The following NPTX1 variants were observed in gnomAD, a reference collection of about 807,000 sequenced individuals.
NPTX1 encodes neuronal pentraxin-1.
In NPTX1, 12 loss-of-function variants were observed where a neutral mutation model predicts 38.7. The observed-to-expected ratio is 0.31, with a 90% CI of 0.20 to 0.50. NPTX1 has a LOEUF of 0.50. Ranked by LOEUF, NPTX1 falls within the 20% of genes least tolerant of loss-of-function variation. NPTX1 has a pLI of 0.98. For synonymous variants in NPTX1, 272 were observed against 264.9 expected (o/e 1.03, Z -0.26); for missense variants, 454 against 592.2 (o/e 0.77, Z 2.42).
In NPTX1 at chr17:80,476,407, C is replaced by T. The variant is rs1452346340; in HGVS notation, c.40G>A (p.Ala14Thr). 1 of 1,505,120 alleles carries T rather than the reference C, an allele frequency of 6.6e-7. No individual in the cohort carries two copies. The highest frequency in any genetic ancestry group is 1.2e-5 in the South Asian group (1 of 81,252). The allele number at this position is 1,505,120 out of a possible 1,614,324, so 93.2% of individuals were successfully genotyped here. The change falls in exon 1 of 5, where the codon GCC (alanine) becomes ACC (threonine). Residue 14 changes from alanine to threonine, a missense_variant. Around this residue, in one of 4 missense-constraint regions of NPTX1, gnomAD observed 288 missense variants for 318.4 expected, o/e 0.90. Transcript: ENST00000306773. The surrounding 1 kb of genome is among the most constrained non-coding windows in gnomAD (Gnocchi z 6.3). ...GRAARTCALL[A>T]LCLLGAGAQD... ...GCCCCGGCGCCCAGGAGGCAGAGGG[C>T]GAGCAGCGCACAGGTGCGCGCGGCG...
chr17:80,475,925 C>A lies in NPTX1; in HGVS notation c.444+78G>T. On this transcript the variant is annotated intron_variant, in intron 1 of 4. Coordinates refer to ENST00000306773, the MANE Select transcript of NPTX1 (RefSeq NM_002522.4). This position sits in a 1 kb window ranked among gnomAD's most constrained non-coding sequence, Gnocchi z 6.5. ...GAGGCGAGGGCGGGGGATGCCTGGC[C>A]GGGTAGGGAACGGGGTGGGGGAGGG... 6 of 1,149,854 alleles carry A rather than the reference C, an allele frequency of 5.2e-6. No individual in the cohort carries two copies. The highest frequency in any genetic ancestry group is 7.2e-6 in the Non-Finnish European group (6 of 837,296). The allele number at this position is 1,149,854 out of a possible 1,614,324, so 71.2% of individuals were successfully genotyped here. A position where few individuals can be genotyped will look rare whatever the true frequency, so the allele number is the denominator to read the frequency against.
rs931331870 is a variant in NPTX1, at chr17:80,469,779, C to T, written c.*1034G>A. 3 of 152,306 alleles carry T rather than the reference C, an allele frequency of 2.0e-5. No homozygotes were observed. Among genetic ancestry groups the T allele is most frequent in the Non-Finnish European group, 4.4e-5 (3 of 68,074 alleles). The allele number at this position is 152,306 out of a possible 1,614,324, so 9.4% of individuals were successfully genotyped here. The stretch of plus-strand genomic sequence containing the variant: ...TGGCCCCATGTGGCCAGGTCTTCAT[C>T]GAAACACGGCTTCTTTCCTTAAAAG... On this transcript the variant is annotated 3_prime_UTR_variant, in exon 5 of 5. Coordinates refer to ENST00000306773, the MANE Select transcript of NPTX1 (RefSeq NM_002522.4).
At position 80,468,556 on chromosome 17, in the gene NPTX1, A is replaced by G. The variant is rs2083819249; in HGVS notation, c.*2257T>C. 6.6e-6 allele frequency: 1 copy of G among 152,204 alleles called. No homozygotes were observed. The highest frequency in any genetic ancestry group is 2.4e-5 in the African/African-American group (1 of 41,426). 9.4% of individuals were successfully genotyped at this position (152,204 alleles called of 1,614,324 possible). A position where few individuals can be genotyped will look rare whatever the true frequency, so the allele number is the denominator to read the frequency against. ...ATGGCTGGAGTGAGGGTGGGGCTAG[A>G]TCTGGTCTAGAGAGGCGACTCCAAG... On this transcript the variant is annotated 3_prime_UTR_variant, in exon 5 of 5. Transcript: ENST00000306773.
intron 3 of NPTX1, among the ~76,000 whole-genome samples, chr17:80,472,750 A>T (rs2083849181): frequency 6.6e-6 from 1 of 152,238 alleles, no homozygotes; most frequent in Non-Finnish European, 1.5e-5. Context: ...CCAAGGGATC[A>T]CACAGACCTG....
rs755808568 is a variant in NPTX1, at chr17:80,471,064, A to C, written c.1078-30T>G. 13 of 1,532,046 alleles carry C rather than the reference A, an allele frequency of 8.5e-6. No homozygotes were observed. The East Asian group carries it at 3.0e-4, about 35-fold the overall frequency. The allele number at this position is 1,532,046 out of a possible 1,614,324, so 94.9% of individuals were successfully genotyped here. On this transcript the variant is annotated intron_variant, in intron 4 of 4. Transcript: ENST00000306773. ...AGAGAAAAACAGAGGATGAGAGTGGAGGGGTCGCCAGGTGGTCTGGGGGCC... is the reference window on the plus strand; with the variant it reads ...AGAGAAAAACAGAGGATGAGAGTGGCGGGGTCGCCAGGTGGTCTGGGGGCC...
Position 80,470,740 on chromosome 17 carries a change from G to C in NPTX1, c.*73C>G. On this transcript the variant is annotated 3_prime_UTR_variant, in exon 5 of 5. Transcript: ENST00000306773. ...TCATTCCTGGGGAAAAGGGAGAGAA[G>C]AGACGCACAAAACAGATCATCGCCG... 1 of 1,053,672 alleles carries C rather than the reference G, an allele frequency of 9.5e-7. No homozygotes were observed. The highest frequency in any genetic ancestry group is 2.4e-5 in the East Asian group (1 of 41,424). The allele number at this position is 1,053,672 out of a possible 1,614,324, so 65.3% of individuals were successfully genotyped here. A position where few individuals can be genotyped will look rare whatever the true frequency, so the allele number is the denominator to read the frequency against.
chr17:80,475,868 C>T lies in NPTX1; in HGVS notation c.444+135G>A. The T allele has an allele frequency of 2.4e-6, 2 of 846,022 alleles. No homozygotes were observed. Among genetic ancestry groups the T allele is most frequent in the Non-Finnish European group, 3.3e-6 (2 of 605,120 alleles). 52.4% of individuals were successfully genotyped at this position (846,022 alleles called of 1,614,324 possible). On this transcript the variant is annotated intron_variant, in intron 1 of 4. Coordinates refer to ENST00000306773, the MANE Select transcript of NPTX1 (RefSeq NM_002522.4). This position sits in a 1 kb window ranked among gnomAD's most constrained non-coding sequence, Gnocchi z 6.5. ...TGGCCGCCGCGGGGCCTCGCAGGCGCGGGGAGGCACCGGCCGGGCACCCGC... is the reference window on the plus strand; with the variant it reads ...TGGCCGCCGCGGGGCCTCGCAGGCGTGGGGAGGCACCGGCCGGGCACCCGC...
Position 80,475,397 on chromosome 17 carries a change from G to T in NPTX1, c.652+114C>A. The stretch of plus-strand genomic sequence containing the variant: ...GAAAGCGGTGCAGGGGTTGGGGGTA[G>T]CGGAGCGGCTTGAGGCTTGCACAGT... On this transcript the variant is annotated intron_variant, in intron 2 of 4. Transcript: ENST00000306773. The surrounding 1 kb of genome is among the most constrained non-coding windows in gnomAD (Gnocchi z 6.5). The T allele has an allele frequency of 1.3e-6, 1 of 759,936 alleles. No homozygotes were observed. Among genetic ancestry groups the T allele is most frequent in the Non-Finnish European group, 2.1e-6 (1 of 475,954 alleles). 47.1% of individuals were successfully genotyped at this position (759,936 alleles called of 1,614,324 possible).
chr17:80,468,413 G>C lies in NPTX1; in HGVS notation c.*2400C>G, dbSNP rs928124216. 1.3e-5 allele frequency: 2 copies of C among 152,334 alleles called. No homozygotes were observed. The highest frequency in any genetic ancestry group is 4.8e-5 in the African/African-American group (2 of 41,456). The allele number at this position is 152,334 out of a possible 1,614,324, so 9.4% of individuals were successfully genotyped here. A position where few individuals can be genotyped will look rare whatever the true frequency, so the allele number is the denominator to read the frequency against. ...AACGGACAGCTCCCACCTGGCCCAC[G>C]GGGGCAGAAGGTGGTCTGCGGTCCA... On this transcript the variant is annotated 3_prime_UTR_variant, in exon 5 of 5. Coordinates refer to ENST00000306773, the MANE Select transcript of NPTX1 (RefSeq NM_002522.4).
chr17:80,475,754 A>AG lies in NPTX1; in HGVS notation c.445-37dup. ...CAAGGGCGGGGGAAACCACACCGTT[A>AG]GGCGAGGCGCGGGGACCGTGCTGGA... is the stretch of plus-strand genomic sequence containing the variant. On this transcript the variant is annotated intron_variant, in intron 1 of 4. Coordinates refer to ENST00000306773, the MANE Select transcript of NPTX1 (RefSeq NM_002522.4). The surrounding 1 kb of genome is among the most constrained non-coding windows in gnomAD (Gnocchi z 6.5). The AG allele has an allele frequency of 6.6e-7, 1 of 1,513,418 alleles. No individual in the cohort carries two copies. Among genetic ancestry groups the AG allele is most frequent in the Non-Finnish European group, 9.1e-7 (1 of 1,100,506 alleles). The allele number at this position is 1,513,418 out of a possible 1,614,324, so 93.7% of individuals were successfully genotyped here.
Position 80,476,450 on chromosome 17 carries a change from T to A in NPTX1, c.-4A>T. 7.9e-7 allele frequency: 1 copy of A among 1,269,760 alleles called. No homozygotes were observed. Among genetic ancestry groups the A allele is most frequent in the South Asian group, 2.7e-5 (1 of 36,556 alleles). 78.7% of individuals were successfully genotyped at this position (1,269,760 alleles called of 1,614,324 possible). A position where few individuals can be genotyped will look rare whatever the true frequency, so the allele number is the denominator to read the frequency against. ...GCGCGGCGCGGCCGGCCGGCATGGC[T>A]GCGGGCACCGGGCGCTCCGGGCCCG... On this transcript the variant is annotated 5_prime_UTR_variant, in exon 1 of 5. Coordinates refer to ENST00000306773, the MANE Select transcript of NPTX1 (RefSeq NM_002522.4). This position sits in a 1 kb window ranked among gnomAD's most constrained non-coding sequence, Gnocchi z 6.3.
At position 80,475,188 on chromosome 17, in the gene NPTX1, T is replaced by A. The variant is rs2083871771; in HGVS notation, c.652+323A>T. Among the ~76,000 whole-genome samples, 1 of 152,116 alleles carries A rather than the reference T, an allele frequency of 6.6e-6. No homozygotes were observed. The highest frequency in any genetic ancestry group is 1.5e-5 in the Non-Finnish European group (1 of 68,020). ...GGGTTTGAGCCAGCGACAGCCACTG[T>A]GCAAAGTTACTGAGGATTAAACAAA... On this transcript the variant is annotated intron_variant, in intron 2 of 4. Coordinates refer to ENST00000306773, the MANE Select transcript of NPTX1 (RefSeq NM_002522.4). This position sits in a 1 kb window ranked among gnomAD's most constrained non-coding sequence, Gnocchi z 6.5.
At chr17:80,472,250 A>G (rs780282990) in intron 3 of NPTX1, among the ~76,000 whole-genome samples, 1 of 152,158 alleles carries the variant, frequency 6.6e-6, no homozygotes, top group Non-Finnish European at 1.5e-5. Context: ...CTGGTGTCTG[A>G]GTTCACTGCT....
chr17:80,473,089 C>T, intron 3 of NPTX1, 111 bp downstream of exon 3: 2 of 1,378,784 alleles, frequency 1.5e-6, no homozygotes, highest in Non-Finnish European at 2.0e-6. Context: ...AAACACTTTC[C>T]TTGGGGCCCC....
Position 80,470,352 on chromosome 17 carries a change from C to G in NPTX1, c.*461G>C. ...TGCGTGTACTGAGGTTGCACCAACC[C>G]CAAAGCACGCACGCAGCTAACAAAG... On this transcript the variant is annotated 3_prime_UTR_variant, in exon 5 of 5. Transcript: ENST00000306773. 1 of 154,030 alleles carries G rather than the reference C, an allele frequency of 6.5e-6. No homozygotes were observed. Among genetic ancestry groups the G allele is most frequent in the Non-Finnish European group, 1.4e-5 (1 of 69,212 alleles). 9.5% of individuals were successfully genotyped at this position (154,030 alleles called of 1,614,324 possible). A position where few individuals can be genotyped will look rare whatever the true frequency, so the allele number is the denominator to read the frequency against.
rs1168143565 is a variant in NPTX1 at position 80,467,360 on chromosome 17, A to G, written c.*3453T>C. The G allele has an allele frequency of 6.6e-6, 1 of 152,634 alleles. No individual in the cohort carries two copies. The highest frequency in any genetic ancestry group is 6.5e-5 in the Admixed American group (1 of 15,282). The allele number at this position is 152,634 out of a possible 1,614,324, so 9.5% of individuals were successfully genotyped here. On this transcript the variant is annotated 3_prime_UTR_variant, in exon 5 of 5. Coordinates refer to ENST00000306773, the MANE Select transcript of NPTX1 (RefSeq NM_002522.4). ...TTGCCATAAGATTCCAAAGGATTCTATCCTCTTAATGTGAACCACATGTAA... is the reference window on the plus strand; with the variant it reads ...TTGCCATAAGATTCCAAAGGATTCTGTCCTCTTAATGTGAACCACATGTAA...
Position 80,476,135 on chromosome 17 carries a change from C to T in NPTX1, c.312G>A (p.Ala104=). ...TLDPGAGEAR[A]GGGRKQPGSG... is the part of the protein sequence containing the mutation. ...AGCCGGGCTGCTTGCGGCCGCCGCC[C>T]GCCCGGGCCTCGCCGGCTCCGGGGT... Residue 104 remains alanine, a synonymous_variant, in exon 1 of 5, where the codon GCG becomes GCA. Transcript: ENST00000306773. The surrounding 1 kb of genome is among the most constrained non-coding windows in gnomAD (Gnocchi z 6.3). 6.3e-7 allele frequency: 1 copy of T among 1,598,282 alleles called. No homozygotes were observed. Among genetic ancestry groups the T allele is most frequent in the Admixed American group, 1.7e-5 (1 of 59,298 alleles).
At position 80,476,441 on chromosome 17, in the gene NPTX1, C is replaced by G. The variant is rs1443911918; in HGVS notation, c.6G>C (p.Pro2=). 31 of 1,315,980 alleles carry G rather than the reference C, an allele frequency of 2.4e-5. No individual in the cohort carries two copies. The highest frequency in any genetic ancestry group is 2.8e-5 in the Non-Finnish European group (29 of 1,039,212). The allele number at this position is 1,315,980 out of a possible 1,614,324, so 81.5% of individuals were successfully genotyped here. M[P]AGRAARTCAL... ...CACAGGTGCGCGCGGCGCGGCCGGC[C>G]GGCATGGCTGCGGGCACCGGGCGCT... Residue 2 remains proline (P), a synonymous_variant, in exon 1 of 5, where the codon CCG becomes CCC. Coordinates refer to ENST00000306773, the MANE Select transcript of NPTX1 (RefSeq NM_002522.4). The surrounding 1 kb of genome is among the most constrained non-coding windows in gnomAD (Gnocchi z 6.3).
In NPTX1 at chr17:80,473,534, C is replaced by G; in HGVS notation, c.653-90G>C. 1.1e-5 allele frequency: 15 copies of G among 1,343,618 alleles called. No individual in the cohort carries two copies. The South Asian group carries it at 1.9e-4, about 17-fold the overall frequency. The allele number at this position is 1,343,618 out of a possible 1,614,324, so 83.2% of individuals were successfully genotyped here. A position where few individuals can be genotyped will look rare whatever the true frequency, so the allele number is the denominator to read the frequency against. On this transcript the variant is annotated intron_variant, in intron 2 of 4. Coordinates refer to ENST00000306773, the MANE Select transcript of NPTX1 (RefSeq NM_002522.4). ...TCGGTCCCCACCAAGCTCTGTGATG[C>G]GTGGCCAGGGCAGGCTCCGGTCTCC...
Sources: gnomAD v4.1 joint callset for allele counts (sites outside exome capture counted in the v4.1 genomes callset) on GRCh38, gnomAD v4.1.1 for gene constraint, gnomAD v4.1.1 regional missense constraint, Gnocchi (gnomAD v3.1) non-coding constraint, MANE v1.5 for transcripts, NCBI Gene and HGNC (gene_info 2026-07-23, HGNC 2026-07-21) for gene names.